The following CLGN variants were observed in gnomAD, a reference collection of about 807,000 sequenced individuals.
The protein encoded by CLGN is calmegin, also known as testis tissue sperm-binding protein Li 79P.
Under a neutral mutation model 79.1 loss-of-function variants are expected in CLGN, and 62 were observed. That is an observed-to-expected ratio of 0.78 (90% CI 0.64 to 0.97). The LOEUF (loss-of-function observed/expected upper bound fraction) is 0.97, where lower values mean the gene tolerates loss of function less well. Among genes scored for constraint, CLGN ranks in the 50% least tolerant of loss-of-function variants. The probability of loss-of-function intolerance (pLI) is 0.00; values close to 1 mark genes in which losing one functional copy is unlikely to be tolerated. For synonymous variants in CLGN, 225 were observed against 224.7 expected (o/e 1.00, Z -0.01); for missense variants, 647 against 715.5 (o/e 0.90, Z 1.09).
rs149682673 is a variant in CLGN at position 140,390,048 on chromosome 4, T to C, written c.1752+580A>G. On this transcript the variant is annotated intron_variant, in intron 14 of 14. Transcript: ENST00000325617. ...GAAAAAAGACAGCTCTGGCTCTAATTATACTCGGGATTTCTCATTCCATAA... is the reference window on the plus strand; with the variant it reads ...GAAAAAAGACAGCTCTGGCTCTAATCATACTCGGGATTTCTCATTCCATAA... Among the ~76,000 whole-genome samples the C allele has an allele frequency of 4.8e-3, 735 of 151,714 alleles. 6 individuals carry two copies. The highest frequency in any genetic ancestry group is 0.016 in the African/African-American group (653 of 41,474).
At chr4:140,408,823 C>A (rs1560744755) in intron 4 of CLGN, among the ~76,000 whole-genome samples, 1 of 148,880 alleles carries the variant, frequency 6.7e-6, no homozygotes, top group Non-Finnish European at 1.5e-5. Flanking sequence ...ACTGCTTTTT[C>A]TGTGCATATG....
chr4:140,422,177 T>C (rs773736084), intron 1 of CLGN, among the ~76,000 whole-genome samples: 3 of 152,236 alleles, frequency 2.0e-5, no homozygotes, highest in Non-Finnish European at 2.9e-5. Flanking sequence ...ATTTGATTAC[T>C]ATAGCTTTGT....
chr4:140,410,431 CA>C (rs1729188086), intron 3 of CLGN, 121 bp downstream of exon 3: 1 of 670,596 alleles, frequency 1.5e-6, no homozygotes, highest in African/African-American at 1.8e-5. Flanking sequence ...TTTACATTGT[CA>C]ATTAAACTAC....
chr4:140,406,468 G>A (rs1729110927), intron 4 of CLGN, among the ~76,000 whole-genome samples: 1 of 152,188 alleles, frequency 6.6e-6, no homozygotes, highest in Non-Finnish European at 1.5e-5. Flanking sequence ...AACTGCATAT[G>A]ACACATAACA....
At chr4:140,419,200 T>C (rs1578608728) in intron 1 of CLGN, among the ~76,000 whole-genome samples, 1 of 151,972 alleles carries the variant, frequency 6.6e-6, no homozygotes, top group Non-Finnish European at 1.5e-5. Flanking sequence ...CTGGGGACTG[T>C]TGTGGGGTGG....
intron 13 of CLGN, 38 bp downstream of exon 13, chr4:140,392,181 C>G: frequency 1.2e-6 from 2 of 1,602,926 alleles, no homozygotes; most frequent in Non-Finnish European, 1.7e-6. Flanking sequence ...ATGAGCTTTA[C>G]CCAGAGTCTC....
At chr4:140,421,564 A>T (rs550197065) in intron 1 of CLGN, among the ~76,000 whole-genome samples, 1 of 152,172 alleles carries the variant, frequency 6.6e-6, no homozygotes, top group East Asian at 1.9e-4. Context: ...AGTGATACTG[A>T]GTATCTTTTC....
intron 3 of CLGN, among the ~76,000 whole-genome samples, chr4:140,410,105 C>A (rs1729182782): frequency 6.6e-6 from 1 of 152,016 alleles, no homozygotes; most frequent in East Asian, 1.9e-4. Context: ...AATTTACTAG[C>A]TGTATGATCA....
intron 7 of CLGN, 46 bp from the exon 8 acceptor site, chr4:140,399,086 G>T: frequency 6.8e-7 from 1 of 1,465,168 alleles, no homozygotes. Flanking sequence ...TTTGATATAC[G>T]CTTTAAAGAT....
Position 140,410,543 on chromosome 4 carries a change from GAATA to G in CLGN, c.218+6_218+9del. 1.3e-6 allele frequency: 2 copies of G among 1,569,348 alleles called. No individual in the cohort carries two copies. Among genetic ancestry groups the G allele is most frequent in the Non-Finnish European group, 1.8e-6 (2 of 1,140,344 alleles). On this transcript the variant is annotated splice_donor_region_variant and intron_variant, in intron 3 of 14. Transcript: ENST00000325617. ...AATCAAAGAAAACATTCTCTTGAATGAATACTCACCCAGCCAACCTTCCACTATC... is the reference window on the plus strand; with the variant it reads ...AATCAAAGAAAACATTCTCTTGAATGCTCACCCAGCCAACCTTCCACTATC...
In CLGN at chr4:140,389,238, C is replaced by T; in HGVS notation, c.1819G>A (p.Val607Ile). Residue 607 changes from valine to isoleucine, a missense_variant, in exon 15 of 15, where the codon GTA (valine) becomes ATA (isoleucine). Coordinates refer to ENST00000325617, the MANE Select transcript of CLGN (RefSeq NM_004362.3). ...GPIKSVRKRR[V>I]RKD Reference sequence around the variant, plus strand: ...TTCAATCTAGTTTAGTCCTTTCGTACTCTTCTTTTGCGTACTGACTTTATC... The same window carrying T: ...TTCAATCTAGTTTAGTCCTTTCGTATTCTTCTTTTGCGTACTGACTTTATC... 1.9e-6 allele frequency: 3 copies of T among 1,612,240 alleles called. No homozygotes were observed. The highest frequency in any genetic ancestry group is 2.5e-6 in the Non-Finnish European group (3 of 1,178,702).
intron 1 of CLGN, among the ~76,000 whole-genome samples, chr4:140,418,664 C>T (rs968073184): frequency 1.3e-5 from 2 of 151,608 alleles, no homozygotes; most frequent in African/African-American, 4.9e-5. Context: ...TACCATCTTA[C>T]ACCAGTTAGA....
chr4:140,401,314 T>C (rs1312007774), intron 6 of CLGN, among the ~76,000 whole-genome samples: 1 of 152,254 alleles, frequency 6.6e-6, no homozygotes, highest in Non-Finnish European at 1.5e-5. Context: ...TATACTCCAA[T>C]GGCCTCTCCT....
At chr4:140,427,302 G>A (rs1359899159) in intron 1 of CLGN, among the ~76,000 whole-genome samples, 1 of 152,188 alleles carries the variant, frequency 6.6e-6, no homozygotes, top group Non-Finnish European at 1.5e-5. Flanking sequence ...AGGGTCCCAG[G>A]TGGCACCACC....
intron 1 of CLGN, among the ~76,000 whole-genome samples, chr4:140,416,379 C>T (rs1469381498): frequency 7.4e-6 from 1 of 134,358 alleles, no homozygotes; most frequent in African/African-American, 2.8e-5. Flanking sequence ...AATAGAGACA[C>T]AAAAAACCCT....
chr4:140,393,777 G>A lies in CLGN; in HGVS notation c.1365+49C>T, dbSNP rs1383180117. On this transcript the variant is annotated intron_variant, in intron 11 of 14. Coordinates refer to ENST00000325617, the MANE Select transcript of CLGN (RefSeq NM_004362.3). ...CTGAATAACCTACAACCAAGACCAA[G>A]TATTATTATTCATAGTTATATCACT... 3 of 1,515,090 alleles carry A rather than the reference G, an allele frequency of 2.0e-6. No homozygotes were observed. In the East Asian group the frequency reaches 6.8e-5, roughly 34 times the overall value. The allele number at this position is 1,515,090 out of a possible 1,614,324, so 93.9% of individuals were successfully genotyped here.
intron 8 of CLGN, among the ~76,000 whole-genome samples, chr4:140,396,891 G>A (rs55976026): frequency 0.056 from 2,980 of 53,334 alleles, 116 homozygotes; most frequent in African/African-American, 0.15. Context: ...ATATATATAT[G>A]TATATATATA....
At chr4:140,423,121 T>C (rs1214846348) in intron 1 of CLGN, among the ~76,000 whole-genome samples, 1 of 152,252 alleles carries the variant, frequency 6.6e-6, no homozygotes, top group Non-Finnish European at 1.5e-5. Flanking sequence ...ATTCTAGATC[T>C]TAAAGGAAAA....
intron 12 of CLGN, 54 bp from the exon 13 acceptor site, chr4:140,392,432 GT>G (rs1208563376): frequency 7.8e-6 from 12 of 1,530,118 alleles, no homozygotes; most frequent in Non-Finnish European, 1.1e-5. Context: ...TATTTTGAAA[GT>G]TTTTTTGCAA....
Sources: allele counts gnomAD v4.1 joint callset (sites outside exome capture counted in the v4.1 genomes callset), GRCh38; gene constraint gnomAD v4.1.1; transcripts MANE v1.5; gene names NCBI Gene and HGNC (gene_info 2026-07-23, HGNC 2026-07-21).